The following DOK6 variants were observed in gnomAD, a reference collection of about 807,000 sequenced individuals.
The protein encoded by DOK6 is docking protein 6.
Under a neutral mutation model 44.0 loss-of-function variants are expected in DOK6, and 22 were observed. The ratio of observed to expected loss-of-function variants is 0.50; its 90% CI spans 0.36 to 0.71. The LOEUF is 0.71. Among genes scored for constraint, DOK6 ranks in the 30% least tolerant of loss-of-function variants. The probability of loss-of-function intolerance (pLI) is 0.00; values close to 1 mark genes in which losing one functional copy is unlikely to be tolerated. For synonymous variants in DOK6, 166 were observed against 145.5 expected (o/e 1.14, Z -1.01); for missense variants, 340 against 416.4 (o/e 0.82, Z 1.60).
intron 6 of DOK6, among the ~76,000 whole-genome samples, chr18:69,749,363 G>C (rs987272738): frequency 6.6e-5 from 10 of 151,950 alleles, no homozygotes; most frequent in Non-Finnish European, 1.3e-4. Flanking sequence ...GCTTTTAAAC[G>C]AATTTGCAGC....
intron 6 of DOK6, among the ~76,000 whole-genome samples, chr18:69,749,316 A>T (rs1979090416): frequency 1.3e-5 from 2 of 152,214 alleles, no homozygotes; most frequent in African/African-American, 2.4e-5. Context: ...ATGAACATTT[A>T]AAAAAATGAA....
intron 7 of DOK6, among the ~76,000 whole-genome samples, chr18:69,793,769 C>T (rs978100735): frequency 6.6e-6 from 1 of 152,028 alleles, no homozygotes; most frequent in Non-Finnish European, 1.5e-5. Flanking sequence ...ACTTTCCCAA[C>T]ATCTTTTGCA....
chr18:69,408,696 T>G lies in DOK6; in HGVS notation c.66+7386T>G, dbSNP rs113068321. On this transcript the variant is annotated intron_variant, in intron 1 of 7. Coordinates refer to ENST00000382713, the MANE Select transcript of DOK6 (RefSeq NM_152721.6). ...CTGACAAATCAAAAGGCAGTATGTG[T>G]TGACATAGTCATGCCTCACATAGTA... 8.9e-3 allele frequency among the ~76,000 whole-genome samples: 1,351 copies of G among 152,286 alleles called. 20 individuals carry two copies. The highest frequency in any genetic ancestry group is 0.03 in the African/African-American group (1,264 of 41,542).
chr18:69,425,512 G>T (rs888223299), intron 1 of DOK6, among the ~76,000 whole-genome samples: 2 of 151,658 alleles, frequency 1.3e-5, no homozygotes, highest in Non-Finnish European at 2.9e-5. Flanking sequence ...ATCCCACAAT[G>T]ATATATGTCC....
At chr18:69,761,884 A>G (rs1187536273) in intron 7 of DOK6, among the ~76,000 whole-genome samples, 4 of 152,188 alleles carry the variant, frequency 2.6e-5, no homozygotes, top group African/African-American at 4.8e-5. Flanking sequence ...CAGCGAATCC[A>G]TATGGGTCCA....
chr18:69,623,283 A>T (rs1420731442), intron 3 of DOK6, among the ~76,000 whole-genome samples: 2 of 152,130 alleles, frequency 1.3e-5, no homozygotes, highest in East Asian at 3.9e-4. Context: ...TCTTTTCTTT[A>T]CAGATTACCC....
chr18:69,766,234 G>A (rs985788503), intron 7 of DOK6, among the ~76,000 whole-genome samples: 1 of 152,154 alleles, frequency 6.6e-6, no homozygotes, highest in African/African-American at 2.4e-5. Flanking sequence ...CATAAGTATG[G>A]CCATAGTAGA....
rs1017423984 is a variant in DOK6, at chr18:69,846,771, A to AT, written c.*5393dup. ...ACTTTACGGTGTCATTATTTATGGCATTTTTAACAACTTTGTTGCATAATT... is the reference window on the plus strand; with the variant it reads ...ACTTTACGGTGTCATTATTTATGGCATTTTTTAACAACTTTGTTGCATAATT... On this transcript the variant is annotated 3_prime_UTR_variant, in exon 8 of 8. Transcript: ENST00000382713. The AT allele has an allele frequency of 2.0e-5, 3 of 152,152 alleles. No individual in the cohort carries two copies. The highest frequency in any genetic ancestry group is 7.2e-5 in the African/African-American group (3 of 41,434). 9.4% of individuals were successfully genotyped at this position (152,152 alleles called of 1,614,324 possible).
chr18:69,491,222 C>G (rs1220789962), intron 1 of DOK6, among the ~76,000 whole-genome samples: 1 of 152,086 alleles, frequency 6.6e-6, no homozygotes, highest in Admixed American at 6.6e-5. Context: ...AATTAACCAA[C>G]CAATGTTATC....
intron 5 of DOK6, among the ~76,000 whole-genome samples, chr18:69,725,306 G>A (rs1002087007): frequency 9.2e-5 from 14 of 152,134 alleles, no homozygotes; most frequent in Non-Finnish European, 1.9e-4. Flanking sequence ...ATGGATAAGC[G>A]TTTGTTGAAT....
At chr18:69,443,479 C>G (rs1979192676) in intron 1 of DOK6, among the ~76,000 whole-genome samples, 1 of 152,138 alleles carries the variant, frequency 6.6e-6, no homozygotes, top group African/African-American at 2.4e-5. Context: ...TGAGTTAAAT[C>G]ATGTAAATAA....
chr18:69,550,691 C>T (rs1303873887), intron 1 of DOK6, among the ~76,000 whole-genome samples: 2 of 151,546 alleles, frequency 1.3e-5, no homozygotes, highest in Non-Finnish European at 2.9e-5. Flanking sequence ...TATATGAGAA[C>T]AAGTTACATC....
At chr18:69,762,245 G>C (rs572683879) in intron 7 of DOK6, among the ~76,000 whole-genome samples, 144 of 152,320 alleles carry the variant, frequency 9.5e-4, no homozygotes, top group African/African-American at 3.3e-3. Flanking sequence ...TGGAGGTTGA[G>C]ATGGGAGGGT....
intron 7 of DOK6, among the ~76,000 whole-genome samples, chr18:69,810,885 G>A (rs1229968222): frequency 3.9e-5 from 6 of 152,036 alleles, no homozygotes; most frequent in Non-Finnish European, 7.4e-5. Flanking sequence ...ATGGAAAACA[G>A]TATGGAGGTC....
At chr18:69,463,939 A>G (rs775909847) in intron 1 of DOK6, among the ~76,000 whole-genome samples, 5 of 152,124 alleles carry the variant, frequency 3.3e-5, no homozygotes, top group Non-Finnish European at 7.4e-5. Flanking sequence ...AATTACTGCT[A>G]CTTTTATTTG....
At chr18:69,648,461 T>A (rs993195737) in intron 3 of DOK6, among the ~76,000 whole-genome samples, 1 of 152,170 alleles carries the variant, frequency 6.6e-6, no homozygotes, top group East Asian at 1.9e-4. Flanking sequence ...TCAAAGCCCA[T>A]TTTCTTTCTC....
intron 2 of DOK6, among the ~76,000 whole-genome samples, chr18:69,580,856 T>C (rs111806824): frequency 0.033 from 5,088 of 152,074 alleles, 265 homozygotes; most frequent in African/African-American, 0.11. Flanking sequence ...TCCCAGCCTC[T>C]AATAACCACA....
At chr18:69,789,291 T>C (rs1790938) in intron 7 of DOK6, among the ~76,000 whole-genome samples, 146,652 of 152,168 alleles carry the variant, frequency 0.96, 70,899 homozygotes, top group East Asian at 1. Flanking sequence ...TCTGGCTTTA[T>C]GAGTAAACTA....
chr18:69,837,565 T>C (rs1283874198), intron 7 of DOK6, among the ~76,000 whole-genome samples: 3 of 101,194 alleles, frequency 3.0e-5, no homozygotes, highest in Non-Finnish European at 4.8e-5. Context: ...AGCGCAGGTG[T>C]TCAGCAAAAA....
Sources: gnomAD v4.1 joint callset for allele counts (sites outside exome capture counted in the v4.1 genomes callset) on GRCh38, gnomAD v4.1.1 for gene constraint, MANE v1.5 for transcripts, NCBI Gene and HGNC (gene_info 2026-07-23, HGNC 2026-07-21) for gene names.